Variants in HDAC1 observed in about 807,000 individuals in gnomAD.
HDAC1 encodes the protein protein deacetylase HDAC1.
HDAC1 carries 18 observed loss-of-function variants against 65.5 expected under a neutral mutation model. That is an observed-to-expected ratio of 0.27 (90% CI 0.19 to 0.41). The LOEUF (loss-of-function observed/expected upper bound fraction) is 0.41, where lower values mean the gene tolerates loss of function less well. Ranked by LOEUF, HDAC1 falls within the 10% of genes least tolerant of loss-of-function variation. The pLI, the probability that HDAC1 is intolerant of heterozygous loss-of-function variation, is 1.00. For synonymous variants in HDAC1, 211 were observed against 227.9 expected, an observed-to-expected ratio of 0.93 and a Z score of 0.67; for missense variants, 373 against 625.2, an observed-to-expected ratio of 0.60 and a Z score of 4.30.
intron 3 of HDAC1, among the ~76,000 whole-genome samples, chr1:32,322,624 G>A (rs1309736817): frequency 6.6e-6 from 1 of 152,186 alleles, no homozygotes; most frequent in Non-Finnish European, 1.5e-5. Flanking sequence ...CTCTAGGTCT[G>A]TGAGTCTACA....
At chr1:32,303,024 T>A (rs746220642) in intron 2 of HDAC1, among the ~76,000 whole-genome samples, 4 of 152,018 alleles carry the variant, frequency 2.6e-5, no homozygotes, top group Non-Finnish European at 4.4e-5. Flanking sequence ...AATTTAAAAA[T>A]TAGCTGGCCA....
Position 32,331,671 on chromosome 1 carries a change from C to T in HDAC1, c.1089-5C>T. The T allele has an allele frequency of 6.2e-7, 1 of 1,613,276 alleles. No homozygotes were observed. Among genetic ancestry groups the T allele is most frequent in the Non-Finnish European group, 8.5e-7 (1 of 1,179,434 alleles). ...AGCCCTGCTACTCTCTCCCATTGGC[C>T]ACAGACAGCGACTGTTTGAGAACCT... On this transcript the variant is annotated splice_region_variant and splice_polypyrimidine_tract_variant and intron_variant, in intron 10 of 13. Coordinates refer to ENST00000373548, the MANE Select transcript of HDAC1 (RefSeq NM_004964.3). This position sits in a 1 kb window ranked among gnomAD's most constrained non-coding sequence, Gnocchi z 4.2.
At chr1:32,316,587 A>C in intron 2 of HDAC1, 78 bp from the exon 3 acceptor site, 1 of 807,228 alleles carries the variant, frequency 1.2e-6, no homozygotes, top group Non-Finnish European at 2.2e-6. Flanking sequence ...CTGCGCAGGA[A>C]ATATAAATAT....
intron 2 of HDAC1, among the ~76,000 whole-genome samples, chr1:32,305,470 C>T (rs1273109487): frequency 6.6e-6 from 1 of 152,108 alleles, no homozygotes; most frequent in Non-Finnish European, 1.5e-5. Context: ...GAGTCCTTGC[C>T]AACACTTGAT....
Position 32,327,838 on chromosome 1 carries a change from T to G in HDAC1, c.636+161T>G. On this transcript the variant is annotated intron_variant, in intron 6 of 13. Coordinates refer to ENST00000373548, the MANE Select transcript of HDAC1 (RefSeq NM_004964.3). This position sits in a 1 kb window ranked among gnomAD's most constrained non-coding sequence, Gnocchi z 6.0. ...GCCCTGATCTCTTTCCCTTCCTTAT[T>G]CTGGAGGAAGGGAATGATGGGACAT... The G allele has an allele frequency of 8.8e-6, 6 of 682,374 alleles. No individual in the cohort carries two copies. The South Asian group carries it at 9.5e-5, about 11-fold the overall frequency. 42.3% of individuals were successfully genotyped at this position (682,374 alleles called of 1,614,324 possible).
At chr1:32,294,234 C>T (rs1385218160) in intron 1 of HDAC1, among the ~76,000 whole-genome samples, 1 of 151,732 alleles carries the variant, frequency 6.6e-6, no homozygotes, top group Non-Finnish European at 1.5e-5. Flanking sequence ...CTGCAACCTC[C>T]ACCTCCCAGA....
intron 2 of HDAC1, among the ~76,000 whole-genome samples, chr1:32,305,109 G>A (rs1640894824): frequency 1.3e-5 from 2 of 152,034 alleles, no homozygotes. Flanking sequence ...TATAGATGGA[G>A]CCATACAGTA....
chr1:32,315,632 C>T (rs1241708438), intron 2 of HDAC1, among the ~76,000 whole-genome samples: 3 of 150,808 alleles, frequency 2.0e-5, no homozygotes, highest in South Asian at 2.1e-4. Flanking sequence ...GGATTACAGG[C>T]GTGAGCCACT....
At position 32,329,230 on chromosome 1, in the gene HDAC1, C is replaced by T. The variant is rs1641259596; in HGVS notation, c.729+70C>T. Reference sequence around the variant, plus strand: ...TTGGCGGTGGAGGGGAGCAAAGCACCCCCACCATACCTCAGGAATCTCTCC... The same window carrying T: ...TTGGCGGTGGAGGGGAGCAAAGCACTCCCACCATACCTCAGGAATCTCTCC... On this transcript the variant is annotated intron_variant, in intron 7 of 13. Transcript: ENST00000373548. The surrounding 1 kb of genome is among the most constrained non-coding windows in gnomAD (Gnocchi z 4.1). 1.2e-6 allele frequency: 1 copy of T among 868,942 alleles called. No individual in the cohort carries two copies. Among genetic ancestry groups the T allele is most frequent in the African/African-American group, 1.6e-5 (1 of 60,816 alleles). The allele number at this position is 868,942 out of a possible 1,614,324, so 53.8% of individuals were successfully genotyped here. A position where few individuals can be genotyped will look rare whatever the true frequency, so the allele number is the denominator to read the frequency against.
At chr1:32,298,170 C>T (rs1179237473) in intron 1 of HDAC1, among the ~76,000 whole-genome samples, 1 of 151,186 alleles carries the variant, frequency 6.6e-6, no homozygotes, top group East Asian at 1.9e-4. Flanking sequence ...TCACTGCAAC[C>T]TCCGCCTCCC....
At chr1:32,316,568 A>G (rs1264886268) in intron 2 of HDAC1, 97 bp from the exon 3 acceptor site, 1 of 737,028 alleles carries the variant, frequency 1.4e-6, no homozygotes, top group Non-Finnish European at 2.5e-6. Flanking sequence ...TATAGCACCT[A>G]GCTCCATGCT....
Position 32,327,726 on chromosome 1 carries a change from C to G in HDAC1, c.636+49C>G. On this transcript the variant is annotated intron_variant, in intron 6 of 13. Coordinates refer to ENST00000373548, the MANE Select transcript of HDAC1 (RefSeq NM_004964.3). This position sits in a 1 kb window ranked among gnomAD's most constrained non-coding sequence, Gnocchi z 6.0. ...ACCGGCTTACCCTCAGCTGGCAGCT[C>G]TACTTCTCTCTCCTATCTCATGCCA... 6.4e-7 allele frequency: 1 copy of G among 1,573,378 alleles called. No individual in the cohort carries two copies. The highest frequency in any genetic ancestry group is 1.7e-4 in the Middle Eastern group (1 of 5,972).
chr1:32,317,081 TTAACTC>T (rs2148065492), intron 3 of HDAC1, among the ~76,000 whole-genome samples: 1 of 152,276 alleles, frequency 6.6e-6, no homozygotes, highest in South Asian at 2.1e-4. Context: ...ACAGTAAAAT[TTAACTC>T]TAACTCTCAG....
At chr1:32,317,225 C>T (rs1395957457) in intron 3 of HDAC1, among the ~76,000 whole-genome samples, 1 of 152,150 alleles carries the variant, frequency 6.6e-6, no homozygotes. Flanking sequence ...TTAGAGGCCA[C>T]TCAGGACAGA....
At position 32,329,274 on chromosome 1, in the gene HDAC1, A is replaced by T; in HGVS notation, c.729+114A>T. On this transcript the variant is annotated intron_variant, in intron 7 of 13. Coordinates refer to ENST00000373548, the MANE Select transcript of HDAC1 (RefSeq NM_004964.3). This position sits in a 1 kb window ranked among gnomAD's most constrained non-coding sequence, Gnocchi z 4.1. ...TCTCTCCTTACTAAAGCTGGTGGGGAGATAGAAGTGTTTGAACCCTGGATT... is the reference window on the plus strand; with the variant it reads ...TCTCTCCTTACTAAAGCTGGTGGGGTGATAGAAGTGTTTGAACCCTGGATT... 1 of 746,396 alleles carries T rather than the reference A, an allele frequency of 1.3e-6. No homozygotes were observed. Among genetic ancestry groups the T allele is most frequent in the Admixed American group, 1.9e-5 (1 of 51,956 alleles). The allele number at this position is 746,396 out of a possible 1,614,324, so 46.2% of individuals were successfully genotyped here.
rs575613716 is a variant in HDAC1 at position 32,324,692 on chromosome 1, T to C, written c.355+139T>C. 12 of 680,240 alleles carry C rather than the reference T, an allele frequency of 1.8e-5. No individual in the cohort carries two copies. The East Asian group carries it at 2.8e-4, about 16-fold the overall frequency. The allele number at this position is 680,240 out of a possible 1,614,324, so 42.1% of individuals were successfully genotyped here. A position where few individuals can be genotyped will look rare whatever the true frequency, so the allele number is the denominator to read the frequency against. ...TTTTTACTGAAGTCTCTAAAATGGC[T>C]GGTGTAGTGTCTCACACCTGTAATC... is the stretch of plus-strand genomic sequence containing the variant. On this transcript the variant is annotated intron_variant, in intron 4 of 13. Transcript: ENST00000373548.
intron 6 of HDAC1, 116 bp from the exon 7 acceptor site, chr1:32,328,952 A>G: frequency 4.0e-6 from 3 of 747,890 alleles, no homozygotes; most frequent in East Asian, 4.9e-5. Flanking sequence ...GTCCTGGCCC[A>G]CATCATGGGC....
Position 32,330,563 on chromosome 1 carries a change from G to A in HDAC1, c.730-15G>A. 6.3e-7 allele frequency: 1 copy of A among 1,575,308 alleles called. No homozygotes were observed. The highest frequency in any genetic ancestry group is 1.1e-5 in the South Asian group (1 of 90,252). ...CTTTCTTGAGGTTGGTGGTGACCAG[G>A]ATGTATCATTTTAGGTCATGTCCAA... On this transcript the variant is annotated splice_polypyrimidine_tract_variant and intron_variant, in intron 7 of 13. Transcript: ENST00000373548. The surrounding 1 kb of genome is among the most constrained non-coding windows in gnomAD (Gnocchi z 4.2).
Position 32,296,352 on chromosome 1 carries a change from A to G in HDAC1, c.49+4134A>G, listed in dbSNP as rs140985109. On this transcript the variant is annotated intron_variant, in intron 1 of 13. Transcript: ENST00000373548. ...TTGCAGTACATGGATGGCTAACTGA[A>G]GAGGAGACATCAGGTTGAACCCTTT... is the stretch of plus-strand genomic sequence containing the variant. 1.8e-4 allele frequency among the ~76,000 whole-genome samples: 27 copies of G among 152,192 alleles called. No homozygotes were observed. In the East Asian group the frequency reaches 5.2e-3, roughly 29 times the overall value.
Sources: gnomAD v4.1 joint callset for allele counts (sites outside exome capture counted in the v4.1 genomes callset) on GRCh38, gnomAD v4.1.1 for gene constraint, Gnocchi (gnomAD v3.1) non-coding constraint, MANE v1.5 for transcripts, NCBI Gene and HGNC (gene_info 2026-07-23, HGNC 2026-07-21) for gene names.